Variants in RELN observed in about 807,000 individuals in gnomAD.
RELN encodes the protein reelin.
A neutral mutation model predicts 427.6 loss-of-function variants in RELN; 108 were observed. That is an observed-to-expected ratio of 0.25 (90% CI 0.22 to 0.30). RELN has a LOEUF of 0.30. Ranked by LOEUF, RELN falls within the 10% of genes least tolerant of loss-of-function variation. The pLI is 1.00. For synonymous variants in RELN, 1,524 were observed against 1,513.4 expected (o/e 1.01, Z -0.16); for missense variants, 3,715 against 4,302.8 (o/e 0.86, Z 3.82).
Position 103,498,155 on chromosome 7 carries a change from G to A in RELN, c.8765C>T (p.Ala2922Val). ...GSTCTECGIL[A>V]EDTALYFGGS... ...CCCAAAATAGAGTGCAGTGTCCTCG[G>A]CAAGAATTCCACACTCAGTGCAAGT... is the stretch of plus-strand genomic sequence containing the variant. Residue 2922 changes from alanine to valine, a missense_variant, in exon 54 of 65, where the codon GCC becomes GTC. This residue lies in a region of RELN where 1,310 missense variants were observed against 1,643.0 expected (regional missense o/e 0.80). Coordinates refer to ENST00000428762, the MANE Select transcript of RELN (RefSeq NM_005045.4). 3 of 1,613,992 alleles carry A rather than the reference G, an allele frequency of 1.9e-6. No homozygotes were observed. The highest frequency in any genetic ancestry group is 2.5e-6 in the Non-Finnish European group (3 of 1,179,944).
intron 1 of RELN, among the ~76,000 whole-genome samples, chr7:103,934,646 T>C (rs973752625): frequency 1.3e-5 from 2 of 152,192 alleles, no homozygotes. Context: ...TAGCATCTCC[T>C]CCTGTTGCTA....
At chr7:103,794,846 C>T (rs1374996033) in intron 3 of RELN, among the ~76,000 whole-genome samples, 1 of 151,978 alleles carries the variant, frequency 6.6e-6, no homozygotes, top group Non-Finnish European at 1.5e-5. Flanking sequence ...ATCAAATGTC[C>T]CCTGGGAGCA....
rs539265363 is a variant in RELN, at chr7:103,814,029, G to A, written c.473+19508C>T. 3.4e-4 allele frequency among the ~76,000 whole-genome samples: 52 copies of A among 152,158 alleles called. 1 individual carries two copies. Among genetic ancestry groups the A allele is most frequent in the Admixed American group, 2.5e-3 (38 of 15,266 alleles). ...TTTCTCTACCTTTACATATATAGTA[G>A]TAATCAACTTTGTGTGGTCATAGGA... On this transcript the variant is annotated intron_variant, in intron 3 of 64. Coordinates refer to ENST00000428762, the MANE Select transcript of RELN (RefSeq NM_005045.4).
chr7:103,536,261 A>T (rs1048076511), intron 45 of RELN, among the ~76,000 whole-genome samples: 1 of 152,134 alleles, frequency 6.6e-6, no homozygotes, highest in African/African-American at 2.4e-5. Context: ...CTAAAGAAAG[A>T]TATTTATTTC....
At position 103,553,811 on chromosome 7, in the gene RELN, T is replaced by C. The variant is rs1358942801; in HGVS notation, c.5818A>G (p.Ile1940Val). 1 of 1,613,940 alleles carries C rather than the reference T, an allele frequency of 6.2e-7. No individual in the cohort carries two copies. Among genetic ancestry groups the C allele is most frequent in the Non-Finnish European group, 8.5e-7 (1 of 1,179,996 alleles). Residue 1940 changes from isoleucine (I) to valine (V), a missense_variant, in exon 39 of 65, where the codon ATT becomes GTT. This residue lies in a region of RELN where 1,310 missense variants were observed against 1,643.0 expected (regional missense o/e 0.80). Transcript: ENST00000428762. ...YNNGKKEEIW[I>V]VDDFIIDGNN... is the part of the protein sequence containing the mutation. ...CCATCGATAATGAAGTCATCAACAA[T>C]CCAGATTTCTTCTTTCTTACCTAAG...
intron 2 of RELN, among the ~76,000 whole-genome samples, chr7:103,912,169 A>G (rs1795383027): frequency 6.7e-6 from 1 of 149,242 alleles, no homozygotes; most frequent in African/African-American, 2.5e-5. Context: ...TTCCCCCCCA[A>G]CTTGGATTTA....
intron 11 of RELN, among the ~76,000 whole-genome samples, chr7:103,677,028 T>TA (rs915729293): frequency 4.4e-4 from 65 of 146,722 alleles, no homozygotes; most frequent in Non-Finnish European, 4.4e-4. Context: ...CCCTAGAAGT[T>TA]AAAGCATAAT....
At chr7:103,807,209 T>G (rs1361326685) in intron 3 of RELN, among the ~76,000 whole-genome samples, 1 of 152,122 alleles carries the variant, frequency 6.6e-6, no homozygotes, top group Non-Finnish European at 1.5e-5. Flanking sequence ...TTTAAAAGCA[T>G]ACACCCAAAG....
intron 3 of RELN, among the ~76,000 whole-genome samples, chr7:103,806,655 A>C (rs1563024467): frequency 6.6e-6 from 1 of 152,142 alleles, no homozygotes; most frequent in Non-Finnish European, 1.5e-5. Flanking sequence ...AATATGATTT[A>C]TCTCTCCCAC....
intron 2 of RELN, among the ~76,000 whole-genome samples, chr7:103,913,513 C>A (rs2058503): frequency 0.23 from 35,241 of 152,000 alleles, 4,779 homozygotes; most frequent in African/African-American, 0.37. Flanking sequence ...CAAAAAGTGC[C>A]ACATTACTTT....
In RELN at chr7:103,706,354, A is replaced by G. The variant is rs1388216873; in HGVS notation, c.806-5348T>C. 6.0e-4 allele frequency among the ~76,000 whole-genome samples: 92 copies of G among 152,174 alleles called. 1 individual carries two copies. The highest frequency in any genetic ancestry group is 1.2e-4 in the Non-Finnish European group (8 of 68,034). On this transcript the variant is annotated intron_variant, in intron 8 of 64. Transcript: ENST00000428762. ...TTAATTGTGCAGTTCCAAGCATTCA[A>G]AGAAACCAGAAAATCTGATTAGTTA...
Position 103,519,343 on chromosome 7 carries a change from A to G in RELN, c.7842T>C (p.Tyr2614=). 1 of 1,613,918 alleles carries G rather than the reference A, an allele frequency of 6.2e-7. No individual in the cohort carries two copies. Reference sequence around the variant, plus strand: ...CAAACCCGGGCTTACTGTACTGGTCATAGAAAATCTCCATGAGCAGGTTCC... The same window carrying G: ...CAAACCCGGGCTTACTGTACTGGTCGTAGAAAATCTCCATGAGCAGGTTCC... ...ITWNLLMEIF[Y]DQYSKPGFVN... Residue 2614 remains tyrosine (Y), a synonymous_variant, in exon 49 of 65, where the codon TAT becomes TAC. Transcript: ENST00000428762.
rs11412775 is a variant in RELN, at chr7:103,917,551, C to CTTT, written c.227-369_227-367dup. ...GGAGTTTTGGCATTATGATAAAATGCTTTTTTTTTTTTTTAAGTCTTTCAT... is the reference window on the plus strand; with the variant it reads ...GGAGTTTTGGCATTATGATAAAATGCTTTTTTTTTTTTTTTTTAAGTCTTTCAT... On this transcript the variant is annotated intron_variant, in intron 1 of 64. Coordinates refer to ENST00000428762, the MANE Select transcript of RELN (RefSeq NM_005045.4). 4.9e-3 allele frequency among the ~76,000 whole-genome samples: 711 copies of CTTT among 146,394 alleles called. 7 individuals carry two copies. Among genetic ancestry groups the CTTT allele is most frequent in the African/African-American group, 0.016 (657 of 40,110 alleles).
intron 12 of RELN, among the ~76,000 whole-genome samples, chr7:103,659,205 C>A (rs1833086521): frequency 6.6e-6 from 1 of 151,870 alleles, no homozygotes; most frequent in South Asian, 2.1e-4. Context: ...TATTTCTTTT[C>A]TAAATCTAGC....
intron 3 of RELN, among the ~76,000 whole-genome samples, chr7:103,811,991 C>T (rs1028364335): frequency 1.3e-5 from 2 of 152,174 alleles, no homozygotes; most frequent in African/African-American, 4.8e-5. Context: ...GAGAATGATG[C>T]TAGTTATTCA....
chr7:103,908,501 G>C (rs1271194513), intron 2 of RELN, among the ~76,000 whole-genome samples: 1 of 152,070 alleles, frequency 6.6e-6, no homozygotes, highest in Non-Finnish European at 1.5e-5. Context: ...AACCTGAGCT[G>C]CCTAACTCCT....
intron 20 of RELN, among the ~76,000 whole-genome samples, chr7:103,619,823 G>T (rs1333726360): frequency 3.3e-5 from 5 of 152,098 alleles, no homozygotes; most frequent in African/African-American, 1.2e-4. Flanking sequence ...CACAGCTCTT[G>T]TGGTGCCCGC....
intron 4 of RELN, among the ~76,000 whole-genome samples, chr7:103,759,990 C>CTTTTTT (rs57019839): frequency 4.6e-5 from 3 of 64,932 alleles, no homozygotes; most frequent in Non-Finnish European, 8.6e-5. Context: ...CACAGTCATA[C>CTTTTTT]TTTTTTTTTT....
intron 56 of RELN, 54 bp downstream of exon 56, chr7:103,496,470 CAT>C: frequency 6.2e-6 from 10 of 1,610,046 alleles, no homozygotes; most frequent in Non-Finnish European, 8.5e-6. Context: ...TATCTGAAGA[CAT>C]AAGCAGAAAA....
Sources: gnomAD v4.1 joint callset for allele counts (sites outside exome capture counted in the v4.1 genomes callset) on GRCh38, gnomAD v4.1.1 for gene constraint, gnomAD v4.1.1 regional missense constraint, MANE v1.5 for transcripts, NCBI Gene and HGNC (gene_info 2026-07-23, HGNC 2026-07-21) for gene names.